The following PRKCA variants were observed in gnomAD, a reference collection of about 807,000 sequenced individuals.
PRKCA encodes protein kinase C alpha, also known as protein kinase C alpha type.
Under a neutral mutation model 87.0 loss-of-function variants are expected in PRKCA, and 27 were observed. That is an observed-to-expected ratio of 0.31 (90% CI 0.23 to 0.43). PRKCA has a LOEUF of 0.43. PRKCA is among the 20% of genes least tolerant of loss of function. The probability of loss-of-function intolerance (pLI) is 1.00; values close to 1 mark genes in which losing one functional copy is unlikely to be tolerated. For synonymous variants in PRKCA, 329 were observed against 311.1 expected, an observed-to-expected ratio of 1.06 and a Z score of -0.61; for missense variants, 518 against 852.3, an observed-to-expected ratio of 0.61 and a Z score of 4.88.
intron 2 of PRKCA, among the ~76,000 whole-genome samples, chr17:66,418,588 C>T (rs118126639): frequency 0.043 from 6,455 of 151,780 alleles, 193 homozygotes; most frequent in Admixed American, 0.077. Flanking sequence ...AGGTGCATGT[C>T]ACCACGCCTG....
intron 3 of PRKCA, among the ~76,000 whole-genome samples, chr17:66,497,915 C>G (rs761800798): frequency 6.6e-6 from 1 of 152,178 alleles, no homozygotes; most frequent in East Asian, 1.9e-4. Context: ...GGTTAGGGTG[C>G]TTGTGGAGGC....
At chr17:66,779,999 G>C (rs552770492) in intron 14 of PRKCA, among the ~76,000 whole-genome samples, 1 of 152,174 alleles carries the variant, frequency 6.6e-6, no homozygotes, top group Non-Finnish European at 1.5e-5. Flanking sequence ...ACTTTTCACC[G>C]TTCCCTTGCC....
At chr17:66,610,076 T>C (rs769679980) in intron 3 of PRKCA, among the ~76,000 whole-genome samples, 1 of 152,194 alleles carries the variant, frequency 6.6e-6, no homozygotes, top group Non-Finnish European at 1.5e-5. Context: ...CTTCAGACAC[T>C]ACTCATAAGT....
intron 3 of PRKCA, among the ~76,000 whole-genome samples, chr17:66,506,308 A>AG (rs1400501527): frequency 6.6e-6 from 1 of 151,130 alleles, no homozygotes; most frequent in Non-Finnish European, 1.5e-5. Context: ...AAAAAAAAAA[A>AG]TTATTTACTT....
chr17:66,707,517 CA>C (rs1379973251), intron 8 of PRKCA, among the ~76,000 whole-genome samples: 1 of 152,200 alleles, frequency 6.6e-6, no homozygotes, highest in Non-Finnish European at 1.5e-5. Context: ...CTTCCTCTAG[CA>C]GTTGTGTAAA....
At chr17:66,635,138 C>T (rs1424090762) in intron 3 of PRKCA, among the ~76,000 whole-genome samples, 1 of 152,156 alleles carries the variant, frequency 6.6e-6, no homozygotes, top group Non-Finnish European at 1.5e-5. Flanking sequence ...AATGAAGACA[C>T]AGATGAGAGA....
At chr17:66,663,523 T>C (rs1210062229) in intron 5 of PRKCA, among the ~76,000 whole-genome samples, 1 of 152,224 alleles carries the variant, frequency 6.6e-6, no homozygotes, top group Non-Finnish European at 1.5e-5. Flanking sequence ...CTGCCCTCGC[T>C]AGTTCCTCAG....
intron 3 of PRKCA, among the ~76,000 whole-genome samples, chr17:66,596,571 CT>C (rs10582567): frequency 0.068 from 7,687 of 113,814 alleles, 189 homozygotes; most frequent in South Asian, 0.092. Flanking sequence ...AATATTAAAC[CT>C]TTTTTTTTTT....
intron 2 of PRKCA, among the ~76,000 whole-genome samples, chr17:66,347,941 C>CATTTTTTTTTTTT (rs1907495465): frequency 1.8e-5 from 1 of 56,454 alleles, no homozygotes; most frequent in Admixed American, 3.9e-4. Flanking sequence ...AATTCTGAAC[C>CATTTTTTTTTTTT]TTTTTTTTTT....
chr17:66,583,889 G>A (rs538769786), intron 3 of PRKCA, among the ~76,000 whole-genome samples: 2 of 152,286 alleles, frequency 1.3e-5, no homozygotes, highest in Admixed American at 1.3e-4. Context: ...AAGACTCACA[G>A]CCTAAACCCT....
chr17:66,319,291 T>C (rs80130647), intron 2 of PRKCA, among the ~76,000 whole-genome samples: 3,348 of 152,306 alleles, frequency 0.022, 61 homozygotes, highest in Middle Eastern at 0.065. Flanking sequence ...CTTTTCTAGA[T>C]GTTATATGTT....
intron 2 of PRKCA, among the ~76,000 whole-genome samples, chr17:66,417,279 G>A (rs547567680): frequency 1.3e-3 from 193 of 151,620 alleles, no homozygotes; most frequent in African/African-American, 4.3e-3. Context: ...GCAGTTTACC[G>A]TATTGTTCAA....
At chr17:66,523,829 C>T (rs1046118847) in intron 3 of PRKCA, among the ~76,000 whole-genome samples, 7 of 152,120 alleles carry the variant, frequency 4.6e-5, no homozygotes, top group Non-Finnish European at 7.4e-5. Flanking sequence ...TCAGAGCGAG[C>T]GTCAGAGGGG....
intron 5 of PRKCA, among the ~76,000 whole-genome samples, chr17:66,679,204 A>G (rs1972422215): frequency 7.3e-6 from 1 of 136,696 alleles, no homozygotes; most frequent in African/African-American, 2.8e-5. Context: ...TCTTTGAGAC[A>G]GAGTCTTGCT....
At chr17:66,743,833 G>A (rs906140355) in intron 13 of PRKCA, among the ~76,000 whole-genome samples, 5 of 152,228 alleles carry the variant, frequency 3.3e-5, no homozygotes, top group Admixed American at 3.3e-4. Context: ...GAGACAGTAG[G>A]GATAGTGAAA....
At chr17:66,712,625 C>G (rs1973360998) in intron 8 of PRKCA, among the ~76,000 whole-genome samples, 1 of 152,100 alleles carries the variant, frequency 6.6e-6, no homozygotes, top group East Asian at 1.9e-4. Context: ...AAAGACTGTC[C>G]CTCTTCTCCC....
chr17:66,419,860 GCATAGGTC>G (rs1173875064), intron 2 of PRKCA, among the ~76,000 whole-genome samples: 1 of 152,074 alleles, frequency 6.6e-6, no homozygotes, highest in Non-Finnish European at 1.5e-5. Context: ...AGTCTCCAAG[GCATAGGTC>G]CATCCATGTA....
chr17:66,527,213 C>T (rs555170669), intron 3 of PRKCA, among the ~76,000 whole-genome samples: 6 of 152,158 alleles, frequency 3.9e-5, no homozygotes, highest in Admixed American at 6.5e-5. Context: ...CTGCCCACCC[C>T]ATACCCGCCC....
At chr17:66,713,835 G>T (rs1158505800) in intron 8 of PRKCA, among the ~76,000 whole-genome samples, 1 of 152,144 alleles carries the variant, frequency 6.6e-6, no homozygotes, top group Non-Finnish European at 1.5e-5. Context: ...AGGCTGCAAA[G>T]AATCATGCAG....
Sources: allele counts gnomAD v4.1 joint callset (sites outside exome capture counted in the v4.1 genomes callset), GRCh38; gene constraint gnomAD v4.1.1; transcripts MANE v1.5; gene names NCBI Gene and HGNC (gene_info 2026-07-23, HGNC 2026-07-21).